The following DCLK2 variants were observed in gnomAD, a reference collection of about 807,000 sequenced individuals.
DCLK2 encodes doublecortin like kinase 2, also known as serine/threonine-protein kinase DCLK2.
Under a neutral mutation model 78.4 loss-of-function variants are expected in DCLK2, and 31 were observed. The ratio of observed to expected loss-of-function variants is 0.40; its 90% CI spans 0.30 to 0.53. The LOEUF is 0.53. Ranked by LOEUF, DCLK2 falls within the 20% of genes least tolerant of loss-of-function variation. The pLI, the probability that DCLK2 is intolerant of heterozygous loss-of-function variation, is 0.61. For synonymous variants in DCLK2, 407 were observed against 374.9 expected, an observed-to-expected ratio of 1.09 and a Z score of -0.99; for missense variants, 872 against 973.7, an observed-to-expected ratio of 0.90 and a Z score of 1.39.
At chr4:150,221,027 T>C (rs989413732) in intron 6 of DCLK2, among the ~76,000 whole-genome samples, 2 of 152,256 alleles carry the variant, frequency 1.3e-5, no homozygotes, top group African/African-American at 4.8e-5. Context: ...ATTTTTGTGG[T>C]GATCTGATCA....
chr4:150,256,357 G>A lies in DCLK2; in HGVS notation c.*110G>A, dbSNP rs1391219970. 1.4e-6 allele frequency: 2 copies of A among 1,391,236 alleles called. No individual in the cohort carries two copies. The highest frequency in any genetic ancestry group is 1.9e-6 in the Non-Finnish European group (2 of 1,061,554). The allele number at this position is 1,391,236 out of a possible 1,614,324, so 86.2% of individuals were successfully genotyped here. The stretch of plus-strand genomic sequence containing the variant: ...CTCCCTCTCTTCACCGCCTGCGCCT[G>A]AGTTCGCGGGTCCTCCGCAGGCCGC... On this transcript the variant is annotated 3_prime_UTR_variant, in exon 16 of 16. Transcript: ENST00000296550.
chr4:150,086,727 C>G (rs1463285759), intron 1 of DCLK2, among the ~76,000 whole-genome samples: 2 of 152,056 alleles, frequency 1.3e-5, no homozygotes, highest in Admixed American at 6.6e-5. Flanking sequence ...AGGATGGTCT[C>G]GATCTCCTGA....
chr4:150,184,450 T>TA (rs1737753862), intron 2 of DCLK2, among the ~76,000 whole-genome samples: 1 of 152,214 alleles, frequency 6.6e-6, no homozygotes, highest in African/African-American at 2.4e-5. Flanking sequence ...TTTAGAATCT[T>TA]AGAGCAGGAA....
chr4:150,094,681 C>A (rs1162842946), intron 1 of DCLK2, among the ~76,000 whole-genome samples: 1 of 152,188 alleles, frequency 6.6e-6, no homozygotes, highest in Non-Finnish European at 1.5e-5. Context: ...AATGCAAATG[C>A]AAACCATGAA....
At chr4:150,188,457 G>GA (rs1458183192) in intron 2 of DCLK2, among the ~76,000 whole-genome samples, 3 of 152,110 alleles carry the variant, frequency 2.0e-5, no homozygotes, top group Non-Finnish European at 4.4e-5. Flanking sequence ...AACAGAAAGA[G>GA]AAAAAGAAAA....
chr4:150,079,496 G>A (rs758272998), intron 1 of DCLK2, 48 bp downstream of exon 1: 5 of 1,436,836 alleles, frequency 3.5e-6, no homozygotes, highest in Non-Finnish European at 3.7e-6. Context: ...GCGCCGGCAG[G>A]TGCAGTGGGC....
intron 2 of DCLK2, among the ~76,000 whole-genome samples, chr4:150,139,007 G>T (rs1560804397): frequency 6.6e-6 from 1 of 150,726 alleles, no homozygotes. Context: ...AAAAAAAAAG[G>T]TTTTCCCTGT....
At chr4:150,191,606 A>C (rs1005180003) in intron 2 of DCLK2, among the ~76,000 whole-genome samples, 1 of 152,192 alleles carries the variant, frequency 6.6e-6, no homozygotes, top group African/African-American at 2.4e-5. Flanking sequence ...GGAACAATTG[A>C]AAATACAGTT....
chr4:150,103,429 A>T (rs1442522712), intron 2 of DCLK2, among the ~76,000 whole-genome samples: 2 of 152,332 alleles, frequency 1.3e-5, no homozygotes, highest in East Asian at 3.9e-4. Context: ...AAAAGTTGGC[A>T]TATTGCAAAA....
chr4:150,241,910 T>C (rs1040387723), intron 12 of DCLK2, among the ~76,000 whole-genome samples: 2 of 152,182 alleles, frequency 1.3e-5, no homozygotes, highest in Admixed American at 6.5e-5. Flanking sequence ...CCTACTACCA[T>C]CACATTGGGC....
intron 2 of DCLK2, among the ~76,000 whole-genome samples, chr4:150,114,621 A>G (rs773064009): frequency 6.6e-6 from 1 of 152,178 alleles, no homozygotes; most frequent in Non-Finnish European, 1.5e-5. Flanking sequence ...CTTCTCTGAA[A>G]AAGACTTTAT....
rs1031386875 is a variant in DCLK2 at position 150,119,753 on chromosome 4, GA to G, written c.756+16952del. ...TCATCCTGAAAATATTTAGCAGGGAGAAAAAAAAAAAGAAGAAAATTTTTTT... is the reference window on the plus strand; with the variant it reads ...TCATCCTGAAAATATTTAGCAGGGAGAAAAAAAAAAGAAGAAAATTTTTTT... On this transcript the variant is annotated intron_variant, in intron 2 of 15. Transcript: ENST00000296550. Among the ~76,000 whole-genome samples, 421 of 143,440 alleles carry G rather than the reference GA, an allele frequency of 2.9e-3. 2 individuals carry two copies. The highest frequency in any genetic ancestry group is 8.7e-3 in the African/African-American group (343 of 39,254). The allele number at this position is 143,440 out of a possible 152,430, so 94.1% of individuals were successfully genotyped here. A position where few individuals can be genotyped will look rare whatever the true frequency, so the allele number is the denominator to read the frequency against.
chr4:150,196,549 A>G (rs560769502), intron 3 of DCLK2, among the ~76,000 whole-genome samples: 1 of 152,288 alleles, frequency 6.6e-6, no homozygotes, highest in African/African-American at 2.4e-5. Context: ...CACATTTTAA[A>G]CTTCCTGCAT....
chr4:150,201,534 A>G (rs2126440720), intron 4 of DCLK2, among the ~76,000 whole-genome samples: 1 of 152,364 alleles, frequency 6.6e-6, no homozygotes, highest in East Asian at 1.9e-4. Context: ...TGGTGAAAAT[A>G]CAGACTTGTA....
chr4:150,079,219 C>T lies in DCLK2; in HGVS notation c.192C>T (p.Ala64=). The T allele has an allele frequency of 6.2e-7, 1 of 1,611,580 alleles. No homozygotes were observed. The highest frequency in any genetic ancestry group is 8.5e-7 in the Non-Finnish European group (1 of 1,179,022). ...CSFYRTRTLQ[A]LSSEKKAKKA... ...TCTACCGCACGCGGACCCTGCAGGC[C>T]CTCAGCTCGGAGAAGAAGGCCAAGA... Residue 64 remains alanine, a synonymous_variant, in exon 1 of 16, where the codon GCC becomes GCT. Transcript: ENST00000296550.
chr4:150,212,989 A>G (rs1740426383), intron 5 of DCLK2, among the ~76,000 whole-genome samples: 1 of 152,210 alleles, frequency 6.6e-6, no homozygotes, highest in Non-Finnish European at 1.5e-5. Context: ...GGCATCCTAG[A>G]AATCAGTGAA....
intron 2 of DCLK2, among the ~76,000 whole-genome samples, chr4:150,153,772 C>T (rs1036690070): frequency 4.6e-5 from 7 of 152,010 alleles, no homozygotes; most frequent in Non-Finnish European, 8.8e-5. Flanking sequence ...AGAAAACAAG[C>T]ACAAACTGGT....
At chr4:150,196,983 G>A (rs1022857129) in intron 3 of DCLK2, among the ~76,000 whole-genome samples, 23 of 152,042 alleles carry the variant, frequency 1.5e-4, no homozygotes, top group African/African-American at 2.9e-4. Context: ...GTGAAAACCC[G>A]TCTCTACTAA....
Position 150,079,439 on chromosome 4 carries a change from C to T in DCLK2, c.412C>T (p.Leu138=). The stretch of plus-strand genomic sequence containing the variant: ...CCGGAAGGTCACCAGCCTGGACGAG[C>T]TGCTGGAAGGTAGGAGGGGAGGGCG... ...GSRKVTSLDE[L]LEGESYVCAS... The change falls in exon 1 of 16, where the codon CTG becomes TTG. Residue 138 remains leucine (L), a synonymous_variant. Coordinates refer to ENST00000296550, the MANE Select transcript of DCLK2 (RefSeq NM_001040260.4). The T allele has an allele frequency of 6.6e-7, 1 of 1,522,982 alleles. No homozygotes were observed. The highest frequency in any genetic ancestry group is 2.4e-5 in the East Asian group (1 of 41,048). 94.3% of individuals were successfully genotyped at this position (1,522,982 alleles called of 1,614,324 possible).
Sources: allele counts gnomAD v4.1 joint callset (sites outside exome capture counted in the v4.1 genomes callset), GRCh38; gene constraint gnomAD v4.1.1; transcripts MANE v1.5; gene names NCBI Gene and HGNC (gene_info 2026-07-23, HGNC 2026-07-21).